Variants in OPCML observed in about 807,000 individuals in gnomAD.
OPCML encodes the protein opioid-binding protein/cell adhesion molecule.
Under a neutral mutation model 37.8 loss-of-function variants are expected in OPCML, and 13 were observed. The observed-to-expected ratio is 0.34, with a 90% confidence interval of 0.22 to 0.55. The LOEUF (loss-of-function observed/expected upper bound fraction) is 0.55. OPCML is among the 20% of genes least tolerant of loss of function. OPCML has a pLI of 0.91. For missense variants in OPCML, 341 were observed against 435.6 expected (o/e 0.78, Z 1.93); for synonymous variants, 176 against 168.8 (o/e 1.04, Z -0.33).
chr11:133,463,996 C>T (rs1490788925), intron 1 of OPCML, among the ~76,000 whole-genome samples: 2 of 152,064 alleles, frequency 1.3e-5, no homozygotes, highest in Non-Finnish European at 2.9e-5. Context: ...CATATCTATC[C>T]ACTGGTCCCA....
intron 1 of OPCML, among the ~76,000 whole-genome samples, chr11:133,058,744 A>G (rs946914352): frequency 2.0e-5 from 3 of 152,170 alleles, no homozygotes; most frequent in African/African-American, 7.2e-5. Context: ...TCTCATTTAC[A>G]CTTTTTGCCC....
chr11:132,609,455 C>T (rs1357334112), intron 3 of OPCML, among the ~76,000 whole-genome samples: 1 of 152,076 alleles, frequency 6.6e-6, no homozygotes, highest in Non-Finnish European at 1.5e-5. Flanking sequence ...ACAGTTGTTT[C>T]TCTGCCTACC....
At chr11:132,760,339 G>C (rs1177673538) in intron 2 of OPCML, among the ~76,000 whole-genome samples, 1 of 152,096 alleles carries the variant, frequency 6.6e-6, no homozygotes, top group Non-Finnish European at 1.5e-5. Flanking sequence ...CTGAGTTCAA[G>C]TCCTGAATAT....
chr11:132,948,373 C>G (rs1359480140), intron 1 of OPCML, among the ~76,000 whole-genome samples: 3 of 152,150 alleles, frequency 2.0e-5, no homozygotes, highest in Non-Finnish European at 4.4e-5. Flanking sequence ...CTTCAGCAAG[C>G]TTAGGATTGT....
At chr11:133,289,425 G>C (rs908910433) in intron 1 of OPCML, among the ~76,000 whole-genome samples, 12 of 151,476 alleles carry the variant, frequency 7.9e-5, no homozygotes, top group South Asian at 2.1e-4. Flanking sequence ...GAAACCCCGT[G>C]TCTACTAAAA....
intron 2 of OPCML, among the ~76,000 whole-genome samples, chr11:132,775,054 T>C (rs1219213549): frequency 6.6e-6 from 1 of 152,198 alleles, no homozygotes; most frequent in Non-Finnish European, 1.5e-5. Flanking sequence ...ACAATTGATA[T>C]TTTTTCTTCT....
chr11:132,653,543 G>A (rs770000329), intron 3 of OPCML, among the ~76,000 whole-genome samples: 20 of 152,200 alleles, frequency 1.3e-4, no homozygotes, highest in Admixed American at 1.3e-4. Context: ...TGCTCACACG[G>A]TGCCTGTGCT....
chr11:132,608,022 G>C (rs981498866), intron 3 of OPCML, among the ~76,000 whole-genome samples: 2 of 152,126 alleles, frequency 1.3e-5, no homozygotes, highest in Non-Finnish European at 2.9e-5. Context: ...AATGTTTCTC[G>C]CATAAAGAAG....
chr11:133,412,007 A>G (rs939698419), intron 1 of OPCML, among the ~76,000 whole-genome samples: 3 of 152,154 alleles, frequency 2.0e-5, no homozygotes, highest in East Asian at 1.9e-4. Context: ...AGATCTGTCT[A>G]TCCATTTACC....
rs115471004 is a variant in OPCML at position 132,660,850 on chromosome 11, C to A, written c.147-3531G>T. 2.1e-3 allele frequency among the ~76,000 whole-genome samples: 318 copies of A among 152,224 alleles called. 1 individual carries two copies. The highest frequency in any genetic ancestry group is 7.2e-3 in the African/African-American group (299 of 41,550). ...AAGCCAAAGAAGTTTATCTCCTGGA[C>A]GAAGTGTGAAGTGGGAGCTGTCAGA... On this transcript the variant is annotated intron_variant, in intron 2 of 7. Transcript: ENST00000524381.
chr11:132,604,420 C>G (rs1186561585), intron 3 of OPCML, among the ~76,000 whole-genome samples: 1 of 152,136 alleles, frequency 6.6e-6, no homozygotes, highest in Non-Finnish European at 1.5e-5. Flanking sequence ...CCTTCTCATT[C>G]CAGTCCCTTC....
Position 133,248,625 on chromosome 11 carries a change from T to C in OPCML, c.61+283639A>G, listed in dbSNP as rs138469796. ...GGCGTGGCTGCTCAGCATGAGGTTC[T>C]GCAGGGCACTTGTGGAGAAAGGACA... On this transcript the variant is annotated intron_variant, in intron 1 of 7. Transcript: ENST00000524381. Among the ~76,000 whole-genome samples the C allele has an allele frequency of 1.1e-4, 17 of 152,356 alleles. No homozygotes were observed. In the East Asian group the frequency reaches 3.3e-3, roughly 29 times the overall value.
At chr11:132,549,114 T>C (rs1212409728) in intron 3 of OPCML, among the ~76,000 whole-genome samples, 1 of 152,066 alleles carries the variant, frequency 6.6e-6, no homozygotes, top group African/African-American at 2.4e-5. Flanking sequence ...TTCATAAAGA[T>C]CACGCCGATA....
chr11:133,408,996 G>A (rs1266371436), intron 1 of OPCML, among the ~76,000 whole-genome samples: 1 of 152,176 alleles, frequency 6.6e-6, no homozygotes, highest in Non-Finnish European at 1.5e-5. Context: ...AAACTTAGAT[G>A]CCAGACTTCC....
At chr11:132,585,636 T>C (rs7130121) in intron 3 of OPCML, among the ~76,000 whole-genome samples, 107,154 of 152,016 alleles carry the variant, frequency 0.7, 38,390 homozygotes, top group East Asian at 0.81. Context: ...TCACTAAGGA[T>C]GGGTCAAATT....
At chr11:132,633,247 A>G (rs1178030868) in intron 3 of OPCML, among the ~76,000 whole-genome samples, 1 of 152,026 alleles carries the variant, frequency 6.6e-6, no homozygotes, top group Non-Finnish European at 1.5e-5. Context: ...CTGTCGCCCA[A>G]GCTGGAGTTC....
intron 1 of OPCML, among the ~76,000 whole-genome samples, chr11:133,349,214 T>C (rs1430443102): frequency 6.6e-6 from 1 of 152,240 alleles, no homozygotes; most frequent in Non-Finnish European, 1.5e-5. Context: ...CTAAATATTT[T>C]ACAGTTCTCT....
intron 1 of OPCML, among the ~76,000 whole-genome samples, chr11:133,171,701 T>C (rs1390988163): frequency 6.6e-6 from 1 of 152,224 alleles, no homozygotes; most frequent in Non-Finnish European, 1.5e-5. Context: ...TCCTTCTGAA[T>C]ATCTGCTCTC....
At chr11:133,251,479 T>G (rs946552307) in intron 1 of OPCML, among the ~76,000 whole-genome samples, 35 of 151,890 alleles carry the variant, frequency 2.3e-4, no homozygotes, top group African/African-American at 8.5e-4. Flanking sequence ...GAAGGAGACT[T>G]CAGGGGAAGA....
Sources: allele counts gnomAD v4.1 joint callset (sites outside exome capture counted in the v4.1 genomes callset), GRCh38; gene constraint gnomAD v4.1.1; transcripts MANE v1.5; gene names NCBI Gene and HGNC (gene_info 2026-07-23, HGNC 2026-07-21).